Variants in SLC39A11 observed in about 807,000 individuals in gnomAD.
The protein encoded by SLC39A11 is solute carrier family 39 member 11.
Under a neutral mutation model 36.1 loss-of-function variants are expected in SLC39A11, and 33 were observed. That is an observed-to-expected ratio of 0.91 (90% CI 0.69 to 1.22). The LOEUF (loss-of-function observed/expected upper bound fraction) is 1.22. Ranked by LOEUF, SLC39A11 falls within the 50% of genes most tolerant of loss-of-function variation. SLC39A11 has a pLI of 0.00. For synonymous variants in SLC39A11, 166 were observed against 170.3 expected, an observed-to-expected ratio of 0.97 and a Z score of 0.20; for missense variants, 432 against 430.3, an observed-to-expected ratio of 1.00 and a Z score of -0.03.
chr17:72,983,861 C>A (rs1446878641), intron 4 of SLC39A11, among the ~76,000 whole-genome samples: 1 of 152,130 alleles, frequency 6.6e-6, no homozygotes, highest in Non-Finnish European at 1.5e-5. Context: ...GAAAAGGGAA[C>A]CCTGGGATCT....
At chr17:72,864,299 TA>T (rs2146271702) in intron 5 of SLC39A11, among the ~76,000 whole-genome samples, 1 of 151,124 alleles carries the variant, frequency 6.6e-6, no homozygotes, top group African/African-American at 2.4e-5. Flanking sequence ...AGACAGAATA[TA>T]AGCATCGGCT....
At chr17:72,907,110 T>C (rs1428300281) in intron 5 of SLC39A11, among the ~76,000 whole-genome samples, 1 of 152,238 alleles carries the variant, frequency 6.6e-6, no homozygotes, top group Non-Finnish European at 1.5e-5. Flanking sequence ...CAGTGAGATA[T>C]TTCCTGTGTT....
chr17:72,923,214 C>A (rs867060582), intron 5 of SLC39A11, among the ~76,000 whole-genome samples: 3 of 152,102 alleles, frequency 2.0e-5, no homozygotes, highest in Non-Finnish European at 4.4e-5. Flanking sequence ...CTGTGTGGGG[C>A]TATGGACCAC....
chr17:73,046,028 G>A (rs1169007402), intron 3 of SLC39A11, among the ~76,000 whole-genome samples: 5 of 152,168 alleles, frequency 3.3e-5, no homozygotes, highest in Admixed American at 3.3e-4. Flanking sequence ...TAGCTGCTAA[G>A]AAAGCAGCCC....
At chr17:73,061,757 GGCC>G (rs1297836875) in intron 3 of SLC39A11, among the ~76,000 whole-genome samples, 2 of 152,166 alleles carry the variant, frequency 1.3e-5, no homozygotes, top group Non-Finnish European at 2.9e-5. Context: ...CACTTTGGGA[GGCC>G]AAGGCGAGTG....
chr17:72,671,172 G>A (rs2071007534), intron 7 of SLC39A11, among the ~76,000 whole-genome samples: 1 of 152,148 alleles, frequency 6.6e-6, no homozygotes, highest in African/African-American at 2.4e-5. Flanking sequence ...AAGAACAGTT[G>A]CCCAGTAACA....
At chr17:72,861,682 T>TAG (rs1246432394) in intron 5 of SLC39A11, among the ~76,000 whole-genome samples, 1 of 123,340 alleles carries the variant, frequency 8.1e-6, no homozygotes, top group African/African-American at 3.1e-5. Flanking sequence ...TATATATATA[T>TAG]ATATATAAAA....
At chr17:72,726,626 G>A (rs1184027705) in intron 7 of SLC39A11, among the ~76,000 whole-genome samples, 2 of 152,196 alleles carry the variant, frequency 1.3e-5, no homozygotes, top group Admixed American at 1.3e-4. Context: ...TCATCTACTA[G>A]CTAATGTTGA....
At chr17:73,036,987 C>A (rs547679598) in intron 3 of SLC39A11, among the ~76,000 whole-genome samples, 2 of 141,394 alleles carry the variant, frequency 1.4e-5, no homozygotes, top group Non-Finnish European at 3.1e-5. Context: ...CAGCATGGAA[C>A]CTTTCCAGAT....
intron 5 of SLC39A11, among the ~76,000 whole-genome samples, chr17:72,938,384 T>C (rs1300260072): frequency 6.6e-6 from 1 of 152,220 alleles, no homozygotes; most frequent in Non-Finnish European, 1.5e-5. Flanking sequence ...CCTTTCCTTC[T>C]CGAAGGCTGA....
intron 7 of SLC39A11, among the ~76,000 whole-genome samples, chr17:72,684,238 T>C (rs2071637395): frequency 1.3e-5 from 2 of 152,172 alleles, no homozygotes; most frequent in Non-Finnish European, 1.5e-5. Flanking sequence ...GGGCTCACCA[T>C]ACCAGAGGTC....
chr17:72,984,159 A>G (rs1375716445), intron 4 of SLC39A11, among the ~76,000 whole-genome samples: 2 of 152,176 alleles, frequency 1.3e-5, no homozygotes, highest in Non-Finnish European at 2.9e-5. Flanking sequence ...AATTGCCACT[A>G]TCAGCAGCAA....
At chr17:73,039,719 A>AATCTGT (rs1230155722) in intron 3 of SLC39A11, among the ~76,000 whole-genome samples, 3 of 152,242 alleles carry the variant, frequency 2.0e-5, no homozygotes, top group Non-Finnish European at 4.4e-5. Flanking sequence ...GGGCCAACGC[A>AATCTGT]GAATTTTCGA....
chr17:72,764,997 A>G lies in SLC39A11; in HGVS notation c.602-28278T>C, dbSNP rs544889436. On this transcript the variant is annotated intron_variant, in intron 6 of 9. Coordinates refer to ENST00000255559, the MANE Select transcript of SLC39A11 (RefSeq NM_139177.4). Reference sequence around the variant, plus strand: ...GTCATTCTTGGGCTTGGGCCAAGGTAACTTTGGGAGCTAGTTTATAGTTTA... The same window carrying G: ...GTCATTCTTGGGCTTGGGCCAAGGTGACTTTGGGAGCTAGTTTATAGTTTA... Among the ~76,000 whole-genome samples the G allele has an allele frequency of 5.3e-5, 8 of 152,342 alleles. No individual in the cohort carries two copies. The South Asian group carries it at 1.7e-3, about 32-fold the overall frequency.
In SLC39A11 at chr17:72,651,730, T is replaced by C. The variant is rs2069862299; in HGVS notation, c.672-2462A>G. Among the ~76,000 whole-genome samples, 13 of 152,144 alleles carry C rather than the reference T, an allele frequency of 8.5e-5. 1 individual carries two copies. The South Asian group carries it at 2.5e-3, about 29-fold the overall frequency. On this transcript the variant is annotated intron_variant, in intron 7 of 9. Transcript: ENST00000255559. Reference sequence around the variant, plus strand: ...GTGATAGCATCCGAAAACTGATCAGTTCCTTAATAAAGGAAATATTATGGT... The same window carrying C: ...GTGATAGCATCCGAAAACTGATCAGCTCCTTAATAAAGGAAATATTATGGT...
chr17:72,927,836 TACAC>T (rs535373763), intron 5 of SLC39A11, among the ~76,000 whole-genome samples: 1 of 150,150 alleles, frequency 6.7e-6, no homozygotes, highest in African/African-American at 2.4e-5. Context: ...ACACACACAC[TACAC>T]ACACACACAC....
At chr17:72,840,240 A>G (rs1404794814) in intron 6 of SLC39A11, among the ~76,000 whole-genome samples, 2 of 152,252 alleles carry the variant, frequency 1.3e-5, no homozygotes, top group Non-Finnish European at 2.9e-5. Context: ...TGGTTCTAGC[A>G]ACACAAACAG....
At chr17:72,872,019 T>C (rs1420623898) in intron 5 of SLC39A11, among the ~76,000 whole-genome samples, 2 of 152,162 alleles carry the variant, frequency 1.3e-5, no homozygotes, top group Non-Finnish European at 2.9e-5. Flanking sequence ...TTGCTTGGTG[T>C]AGGAACACTG....
intron 7 of SLC39A11, among the ~76,000 whole-genome samples, chr17:72,722,675 C>T (rs1470323225): frequency 1.3e-5 from 2 of 151,968 alleles, no homozygotes; most frequent in Admixed American, 1.3e-4. Flanking sequence ...CGCTCTGTTG[C>T]CCAGGCTGGA....
Sources: gnomAD v4.1 joint callset for allele counts (sites outside exome capture counted in the v4.1 genomes callset) on GRCh38, gnomAD v4.1.1 for gene constraint, MANE v1.5 for transcripts, NCBI Gene and HGNC (gene_info 2026-07-23, HGNC 2026-07-21) for gene names.